PTPRN2: variants seen among roughly 807,000 people sequenced by gnomAD.
PTPRN2 encodes the protein receptor-type tyrosine-protein phosphatase N2.
In PTPRN2, 74 loss-of-function variants were observed where a neutral mutation model predicts 118.8. The observed-to-expected ratio is 0.62, with a 90% CI of 0.52 to 0.76. The LOEUF is 0.76. Ranked by LOEUF, PTPRN2 falls within the 30% of genes least tolerant of loss-of-function variation. PTPRN2 has a pLI of 0.00. For synonymous variants in PTPRN2, 641 were observed against 608.0 expected (o/e 1.05, Z -0.80); for missense variants, 1,481 against 1,394.4 (o/e 1.06, Z -0.99).
rs73506275 is a variant in PTPRN2, at chr7:157,794,428, C to G, written c.1788+104245G>C. On this transcript the variant is annotated intron_variant, in intron 12 of 22. Coordinates refer to ENST00000389418, the MANE Select transcript of PTPRN2 (RefSeq NM_002847.5). This position sits in a 1 kb window ranked among gnomAD's most constrained non-coding sequence, Gnocchi z 5.2. ...CCAATTATAGCGTCGACGATGGCAG[C>G]TTCCCTCTGAAAGCCCATTGTGTCT... is the stretch of plus-strand genomic sequence containing the variant. Among the ~76,000 whole-genome samples, 2,272 of 152,100 alleles carry G rather than the reference C, an allele frequency of 0.015. 56 individuals carry two copies. The highest frequency in any genetic ancestry group is 0.05 in the African/African-American group (2,072 of 41,346).
chr7:158,331,725 T>A (rs1316823295), intron 2 of PTPRN2, among the ~76,000 whole-genome samples: 4 of 149,858 alleles, frequency 2.7e-5, no homozygotes, highest in African/African-American at 1.0e-4. Flanking sequence ...ATTCTCACCA[T>A]AAGAGCTGAC....
chr7:158,277,548 TCTC>T (rs1477286256), intron 3 of PTPRN2, among the ~76,000 whole-genome samples: 3 of 152,036 alleles, frequency 2.0e-5, no homozygotes, highest in Non-Finnish European at 4.4e-5. Context: ...CTCTCCCAAG[TCTC>T]CTCCTCATCA....
At chr7:158,085,618 T>C in intron 10 of PTPRN2, among the ~76,000 whole-genome samples, 1 of 85,884 alleles carries the variant, frequency 1.2e-5, no homozygotes, top group Non-Finnish European at 2.2e-5. Context: ...ACGACGCCCA[T>C]CCACACCCTC....
chr7:158,136,147 G>A (rs141434222), intron 8 of PTPRN2, among the ~76,000 whole-genome samples: 42 of 152,342 alleles, frequency 2.8e-4, no homozygotes, highest in Non-Finnish European at 4.9e-4. Context: ...AGCCACATGC[G>A]ACTAACGTGC....
intron 12 of PTPRN2, among the ~76,000 whole-genome samples, chr7:157,798,949 C>CAGCAGG (rs1805050710): frequency 6.6e-6 from 1 of 152,180 alleles, no homozygotes; most frequent in Admixed American, 6.5e-5. Flanking sequence ...CCCAGGAAGG[C>CAGCAGG]AGCAGGAGAG....
At chr7:158,324,344 G>A (rs1398797804) in intron 2 of PTPRN2, among the ~76,000 whole-genome samples, 1 of 152,112 alleles carries the variant, frequency 6.6e-6, no homozygotes, top group Admixed American at 6.5e-5. Flanking sequence ...GACTATAACT[G>A]GTATTTTCCC....
chr7:157,782,424 A>T (rs1034395443), intron 12 of PTPRN2, among the ~76,000 whole-genome samples: 5 of 152,332 alleles, frequency 3.3e-5, no homozygotes, highest in Non-Finnish European at 7.3e-5. Context: ...ACGGTGAATC[A>T]GCTCTAAGGG....
intron 11 of PTPRN2, among the ~76,000 whole-genome samples, chr7:157,988,712 T>C (rs940079224): frequency 2.0e-5 from 3 of 152,196 alleles, no homozygotes; most frequent in African/African-American, 7.2e-5. Context: ...CCACAGGTCA[T>C]GCACGTCCAC....
chr7:158,408,925 C>G lies in PTPRN2; in HGVS notation c.163+80810G>C, dbSNP rs569668131. Among the ~76,000 whole-genome samples the G allele has an allele frequency of 2.0e-5, 3 of 151,584 alleles. No homozygotes were observed. In the East Asian group the frequency reaches 5.8e-4, roughly 29 times the overall value. On this transcript the variant is annotated intron_variant, in intron 2 of 22. Transcript: ENST00000389418. ...CAGCCTAAAACTCTGTTACCACAAACATGACTTAAACGATACAAAGTTAAC... is the reference window on the plus strand; with the variant it reads ...CAGCCTAAAACTCTGTTACCACAAAGATGACTTAAACGATACAAAGTTAAC...
intron 11 of PTPRN2, among the ~76,000 whole-genome samples, chr7:157,912,587 A>C (rs1798161551): frequency 6.6e-6 from 1 of 152,232 alleles, no homozygotes; most frequent in Admixed American, 6.5e-5. Context: ...ATCTATATAA[A>C]GATATCTATA....
At chr7:157,677,157 C>T (rs1452273307) in intron 13 of PTPRN2, among the ~76,000 whole-genome samples, 2 of 152,192 alleles carry the variant, frequency 1.3e-5, no homozygotes, top group South Asian at 2.1e-4. Flanking sequence ...AGCAGTTATT[C>T]GAGTCATACC....
At chr7:157,734,894 T>A (rs768179581) in intron 12 of PTPRN2, among the ~76,000 whole-genome samples, 9 of 152,202 alleles carry the variant, frequency 5.9e-5, no homozygotes, top group Admixed American at 6.5e-5. Context: ...TTTCCAATAT[T>A]GATGTCGACG....
rs1189309228 is a variant in PTPRN2 at position 158,029,299 on chromosome 7, C to T, written c.1723+51999G>A. 2.0e-5 allele frequency: 3 copies of T among 152,154 alleles called. No individual in the cohort carries two copies. In the East Asian group the frequency reaches 5.8e-4, roughly 29 times the overall value. The allele number at this position is 152,154 out of a possible 1,614,324, so 9.4% of individuals were successfully genotyped here. ...TAGGGCATGGGGTTCATATCCTGTC[C>T]TCTGTCTCCTCTAAGTGTCCCTTAA... On this transcript the variant is annotated intron_variant, in intron 11 of 22. Coordinates refer to ENST00000389418, the MANE Select transcript of PTPRN2 (RefSeq NM_002847.5).
At chr7:157,697,352 C>T (rs1797842815) in intron 12 of PTPRN2, among the ~76,000 whole-genome samples, 1 of 139,484 alleles carries the variant, frequency 7.2e-6, no homozygotes, top group South Asian at 2.5e-4. Context: ...TTAGTAGAGC[C>T]CTCACCATCT....
chr7:158,571,124 TA>T (rs34219159), intron 1 of PTPRN2, among the ~76,000 whole-genome samples: 1,944 of 152,352 alleles, frequency 0.013, 42 homozygotes, highest in African/African-American at 0.044. Flanking sequence ...AGGCTTGGAA[TA>T]TTTTTTGTTT....
At chr7:157,913,934 A>G (rs1798234315) in intron 11 of PTPRN2, among the ~76,000 whole-genome samples, 1 of 152,178 alleles carries the variant, frequency 6.6e-6, no homozygotes, top group African/African-American at 2.4e-5. Context: ...TGTGGGCCTG[A>G]TATTTTCTTT....
At chr7:158,259,780 T>A (rs1202779338) in intron 3 of PTPRN2, among the ~76,000 whole-genome samples, 1 of 148,274 alleles carries the variant, frequency 6.7e-6, no homozygotes, top group Non-Finnish European at 1.5e-5. Context: ...TGTGTCCATG[T>A]GTCTCTGGTA....
chr7:158,071,582 CCTGGTGG>C lies in PTPRN2; in HGVS notation c.1723+9709_1723+9715del, dbSNP rs1811712051. ...TGGAGGTGCTCCTGGTGGAGGTGCT[CCTGGTGG>C]AGGTGCTCCTGGTGGAGGTGCTCGT... On this transcript the variant is annotated intron_variant, in intron 11 of 22. Transcript: ENST00000389418. Among the ~76,000 whole-genome samples the C allele has an allele frequency of 2.3e-3, 17 of 7,542 alleles. 2 individuals are homozygous for C. The East Asian group carries it at 0.079, about 35-fold the overall frequency. 4.9% of individuals were successfully genotyped at this position (7,542 alleles called of 152,430 possible).
chr7:158,586,207 G>A, intron 1 of PTPRN2, among the ~76,000 whole-genome samples: 1 of 152,230 alleles, frequency 6.6e-6, no homozygotes, highest in East Asian at 1.9e-4. Flanking sequence ...GCAGGTTAGG[G>A]AGTGTGAGGA....
Sources: gnomAD v4.1 joint callset for allele counts (sites outside exome capture counted in the v4.1 genomes callset) on GRCh38, gnomAD v4.1.1 for gene constraint, Gnocchi (gnomAD v3.1) non-coding constraint, MANE v1.5 for transcripts, NCBI Gene and HGNC (gene_info 2026-07-23, HGNC 2026-07-21) for gene names.